ZNF407: variants seen among roughly 807,000 people sequenced by gnomAD.
ZNF407 encodes the protein zinc finger protein 407.
ZNF407 carries 17 observed loss-of-function variants against 131.2 expected under a neutral mutation model. That is an observed-to-expected ratio of 0.13 (90% CI 0.09 to 0.19). The LOEUF (loss-of-function observed/expected upper bound fraction) is 0.19. ZNF407 is among the 10% of genes least tolerant of loss of function. The pLI, the probability that ZNF407 is intolerant of heterozygous loss-of-function variation, is 1.00. For synonymous variants in ZNF407, 1,156 were observed against 1,062.0 expected, an observed-to-expected ratio of 1.09 and a Z score of -1.72; for missense variants, 2,681 against 2,830.6, an observed-to-expected ratio of 0.95 and a Z score of 1.20.
At chr18:74,942,825 T>C (rs1478456599) in intron 8 of ZNF407, among the ~76,000 whole-genome samples, 3 of 152,230 alleles carry the variant, frequency 2.0e-5, no homozygotes, top group East Asian at 3.8e-4. Flanking sequence ...CAGCATCTTA[T>C]GAGAATCCAC....
In ZNF407 at chr18:74,630,974, G is replaced by A; in HGVS notation, c.-46G>A. 6.5e-7 allele frequency: 1 copy of A among 1,543,032 alleles called. No individual in the cohort carries two copies. Among genetic ancestry groups the A allele is most frequent in the East Asian group, 2.3e-5 (1 of 44,398 alleles). On this transcript the variant is annotated 5_prime_UTR_variant, in exon 2 of 9. In the 5' UTR this introduces an upstream ATG that the reference lacks. Coordinates refer to ENST00000299687, the MANE Select transcript of ZNF407 (RefSeq NM_017757.3). ...TGTTTGTTTACTTCACAGGTTATGA[G>A]TGCCAGTGAGCCGCCTTAGATAGAA...
intron 8 of ZNF407, among the ~76,000 whole-genome samples, chr18:74,968,648 T>C (rs1972436538): frequency 6.6e-6 from 1 of 152,242 alleles, no homozygotes; most frequent in Admixed American, 6.5e-5. Flanking sequence ...GAAATCTGCT[T>C]TTGTTTGAAT....
Position 75,064,105 on chromosome 18 carries a change from G to T in ZNF407, c.6384G>T (p.Ala2128=), listed in dbSNP as rs138221111. Residue 2128 remains alanine, a synonymous_variant, in exon 9 of 9, where the codon GCG becomes GCT. Transcript: ENST00000299687. ...GTGCCCAGATCATCATGCAGGAGGC[G>T]CAGGGCGAGCACATGGATCTGGTGG... The part of the protein sequence containing the change: ...GEGAQIIMQE[A]QGEHMDLVES... The T allele has an allele frequency of 1.8e-5, 28 of 1,592,830 alleles. No homozygotes were observed. Among genetic ancestry groups the T allele is most frequent in the Admixed American group, 3.5e-5 (2 of 56,748 alleles).
At chr18:74,646,132 G>A (rs1984963015) in intron 3 of ZNF407, among the ~76,000 whole-genome samples, 1 of 152,188 alleles carries the variant, frequency 6.6e-6, no homozygotes, top group African/African-American at 2.4e-5. Flanking sequence ...ATACATGGTT[G>A]TGGGTAATTG....
At chr18:74,915,480 G>A (rs1212766844) in intron 7 of ZNF407, among the ~76,000 whole-genome samples, 7 of 1,238 alleles carry the variant, frequency 5.7e-3, no homozygotes, top group Admixed American at 0.024. Context: ...AATCGGGAGT[G>A]TGTGTGTGTG....
At chr18:74,758,478 T>A (rs930051635) in intron 3 of ZNF407, among the ~76,000 whole-genome samples, 6 of 152,234 alleles carry the variant, frequency 3.9e-5, no homozygotes, top group Non-Finnish European at 4.4e-5. Flanking sequence ...GTTACTGTCA[T>A]ATAAAATGTA....
intron 8 of ZNF407, among the ~76,000 whole-genome samples, chr18:74,923,682 T>C (rs139936368): frequency 6.6e-6 from 1 of 152,266 alleles, no homozygotes; most frequent in African/African-American, 2.4e-5. Flanking sequence ...ATTTTGAAAA[T>C]ATATCACTAA....
intron 3 of ZNF407, among the ~76,000 whole-genome samples, chr18:74,647,712 G>C (rs929102185): frequency 3.3e-5 from 5 of 152,168 alleles, no homozygotes; most frequent in African/African-American, 1.2e-4. Context: ...ATTTGTTTAT[G>C]ATTTCTCATT....
chr18:74,728,597 G>C (rs1968215178), intron 3 of ZNF407, among the ~76,000 whole-genome samples: 1 of 152,130 alleles, frequency 6.6e-6, no homozygotes, highest in Non-Finnish European at 1.5e-5. Flanking sequence ...TTGAGGTGTT[G>C]GTGGGCCACC....
intron 3 of ZNF407, among the ~76,000 whole-genome samples, chr18:74,780,566 A>C (rs1487388618): frequency 6.6e-6 from 1 of 152,218 alleles, no homozygotes; most frequent in Non-Finnish European, 1.5e-5. Flanking sequence ...ATTAGTAATT[A>C]ACTTTATGAA....
chr18:74,777,662 C>A (rs1257495059), intron 3 of ZNF407, among the ~76,000 whole-genome samples: 1 of 152,224 alleles, frequency 6.6e-6, no homozygotes, highest in Non-Finnish European at 1.5e-5. Context: ...CACGTCTTCA[C>A]TGCTAGCCTT....
chr18:74,752,502 T>G (rs1010451669), intron 3 of ZNF407, among the ~76,000 whole-genome samples: 10 of 152,198 alleles, frequency 6.6e-5, no homozygotes, highest in Non-Finnish European at 1.3e-4. Flanking sequence ...GTTTTTATGG[T>G]TTTAGGTCTA....
At chr18:74,798,927 T>C (rs1007958014) in intron 4 of ZNF407, among the ~76,000 whole-genome samples, 3 of 152,254 alleles carry the variant, frequency 2.0e-5, no homozygotes, top group Admixed American at 6.5e-5. Flanking sequence ...ATTAAAATAA[T>C]TTTTAATCTC....
At chr18:74,867,904 AGTTTAGTATATT>A in intron 4 of ZNF407, among the ~76,000 whole-genome samples, 1 of 152,342 alleles carries the variant, frequency 6.6e-6, no homozygotes, top group South Asian at 2.1e-4. Flanking sequence ...TTAATATGCC[AGTTTAGTATATT>A]GTTTAGTATG....
chr18:74,917,570 A>G (rs1308963067), intron 7 of ZNF407, among the ~76,000 whole-genome samples: 1 of 152,150 alleles, frequency 6.6e-6, no homozygotes, highest in African/African-American at 2.4e-5. Context: ...CTATTTCAGT[A>G]ATAGTCCCCG....
chr18:74,950,786 T>G (rs894110159), intron 8 of ZNF407, among the ~76,000 whole-genome samples: 1 of 152,224 alleles, frequency 6.6e-6, no homozygotes, highest in Admixed American at 6.5e-5. Flanking sequence ...ATGGGAATAC[T>G]CCCAACACAC....
intron 4 of ZNF407, among the ~76,000 whole-genome samples, chr18:74,833,056 G>C (rs1970507428): frequency 1.3e-5 from 2 of 152,172 alleles, no homozygotes; most frequent in South Asian, 4.1e-4. Flanking sequence ...TGTTCCCTCA[G>C]GATAGTTTGG....
intron 3 of ZNF407, among the ~76,000 whole-genome samples, chr18:74,734,211 G>A (rs1968358363): frequency 6.6e-6 from 1 of 152,154 alleles, no homozygotes; most frequent in Non-Finnish European, 1.5e-5. Flanking sequence ...CACTCATTGA[G>A]ACTTGGTTGC....
intron 3 of ZNF407, among the ~76,000 whole-genome samples, chr18:74,683,672 T>C (rs555926683): frequency 1.3e-5 from 2 of 152,354 alleles, no homozygotes; most frequent in South Asian, 4.1e-4. Context: ...ATACAACATT[T>C]ATGATTTATG....
Sources: gnomAD v4.1 joint callset for allele counts (sites outside exome capture counted in the v4.1 genomes callset) on GRCh38, gnomAD v4.1.1 for gene constraint, MANE v1.5 for transcripts, NCBI Gene and HGNC (gene_info 2026-07-23, HGNC 2026-07-21) for gene names.